Variants in TEKTL1 observed in about 807,000 individuals in gnomAD.
The protein encoded by TEKTL1 is tektin like 1, also known as tektin-like protein 1.
At chr19:15,023,125 C>G in the TEKTL1 span, 84 of 1,578,170 alleles carry the variant, frequency 5.3e-5, no homozygotes, top group Non-Finnish European at 6.7e-5. Context: ...CCTAGTGACC[C>G]CAGCGTCCCC....
At chr19:15,013,570 C>T in the TEKTL1 span, 5 of 807,140 alleles carry the variant, frequency 6.2e-6, no homozygotes, top group Non-Finnish European at 9.9e-6. Flanking sequence ...ATCCTTCAAA[C>T]TCAGAGTTTA....
chr19:15,020,776 G>A, the TEKTL1 span: 7 of 839,936 alleles, frequency 8.3e-6, no homozygotes, highest in Non-Finnish European at 1.3e-5. Context: ...GAGTCAATGG[G>A]AGGACTGAAA....
the TEKTL1 span, among the ~76,000 whole-genome samples, chr19:15,011,625 T>G: frequency 6.6e-6 from 1 of 151,670 alleles, no homozygotes; most frequent in East Asian, 1.9e-4. Context: ...TCTCAGCTAC[T>G]TGGGAGGCTG....
the TEKTL1 span, among the ~76,000 whole-genome samples, chr19:15,012,080 A>AC: frequency 6.7e-6 from 1 of 148,692 alleles, no homozygotes; most frequent in African/African-American, 2.5e-5. Context: ...ACATAGTGAG[A>AC]CCCCGTCTCT....
At chr19:15,017,733 G>C in the TEKTL1 span, among the ~76,000 whole-genome samples, 28,452 of 152,026 alleles carry the variant, frequency 0.19, 2,789 homozygotes, top group Middle Eastern at 0.25. Flanking sequence ...ACAGAGCCAG[G>C]CACAGAAACC....
chr19:15,021,724 G>T, the TEKTL1 span: 6 of 1,613,806 alleles, frequency 3.7e-6, no homozygotes, highest in Non-Finnish European at 4.2e-6. Context: ...ACGGTTCGGG[G>T]TGAGAGCCTT....
At chr19:15,019,377 G>C in the TEKTL1 span, among the ~76,000 whole-genome samples, 1 of 152,072 alleles carries the variant, frequency 6.6e-6, no homozygotes, top group African/African-American at 2.4e-5. Context: ...AAAAGAATAC[G>C]TTTTAAATGA....
chr19:15,013,056 C>T, the TEKTL1 span, among the ~76,000 whole-genome samples: 65 of 152,180 alleles, frequency 4.3e-4, 1 homozygote, highest in South Asian at 4.2e-4. Flanking sequence ...ACTCCCAACC[C>T]TCACACCCAA....
the TEKTL1 span, chr19:15,011,361 T>C: frequency 6.9e-7 from 1 of 1,453,026 alleles, no homozygotes; most frequent in South Asian, 1.5e-5. Context: ...CAGCAGAGCG[T>C]CAAGCTGCGG....
chr19:15,013,831 T>C, the TEKTL1 span: 64 of 1,136,250 alleles, frequency 5.6e-5, no homozygotes, highest in Non-Finnish European at 8.2e-5. Context: ...CCTGGCTGCC[T>C]AATGGACAAA....
chr19:15,021,720 C>CG, the TEKTL1 span: 9 of 1,613,652 alleles, frequency 5.6e-6, no homozygotes, highest in Middle Eastern at 1.7e-4. Context: ...AGGTACGGTT[C>CG]GGGGTGAGAG....
the TEKTL1 span, among the ~76,000 whole-genome samples, chr19:15,019,211 A>T: frequency 3.9e-5 from 6 of 152,164 alleles, no homozygotes; most frequent in African/African-American, 1.4e-4. Flanking sequence ...GGCCTCCCAA[A>T]GTGCTGGAAT....
At chr19:15,013,475 G>A in the TEKTL1 span, among the ~76,000 whole-genome samples, 8 of 152,186 alleles carry the variant, frequency 5.3e-5, no homozygotes, top group African/African-American at 1.7e-4. Flanking sequence ...AGCAAGACCC[G>A]CCAAGTCAGA....
At chr19:15,015,233 A>G in the TEKTL1 span, among the ~76,000 whole-genome samples, 2 of 152,204 alleles carry the variant, frequency 1.3e-5, no homozygotes, top group Non-Finnish European at 2.9e-5. Context: ...ATAGATAGAA[A>G]CAGAGACAGG....
the TEKTL1 span, among the ~76,000 whole-genome samples, chr19:15,014,733 G>GC: frequency 8.0e-6 from 1 of 125,406 alleles, no homozygotes; most frequent in African/African-American, 3.1e-5. Context: ...TGGGGGGGCG[G>GC]GGGGCGGGGG....
the TEKTL1 span, among the ~76,000 whole-genome samples, chr19:15,012,311 C>G: frequency 1.3e-5 from 2 of 151,854 alleles, no homozygotes; most frequent in Non-Finnish European, 2.9e-5. Flanking sequence ...TGCTTGTAAT[C>G]CCAGCACTTC....
chr19:15,010,920 C>T, the TEKTL1 span: 2 of 1,577,924 alleles, frequency 1.3e-6, no homozygotes, highest in Non-Finnish European at 1.7e-6. Context: ...GCGAGGACCG[C>T]GCACATTCTG....
the TEKTL1 span, among the ~76,000 whole-genome samples, chr19:15,019,293 C>G: frequency 1.3e-5 from 2 of 152,200 alleles, no homozygotes; most frequent in East Asian, 3.9e-4. Context: ...GTCAAAACAT[C>G]AAGTTGTACA....
the TEKTL1 span, among the ~76,000 whole-genome samples, chr19:15,020,040 C>A: frequency 6.6e-6 from 1 of 151,092 alleles, no homozygotes; most frequent in Non-Finnish European, 1.5e-5. Context: ...AGGCACACTG[C>A]CTCACACCTG....
Sources: allele counts gnomAD v4.1 joint callset (sites outside exome capture counted in the v4.1 genomes callset), GRCh38; gene constraint gnomAD v4.1.1; transcripts MANE v1.5; gene names NCBI Gene and HGNC (gene_info 2026-07-23, HGNC 2026-07-21).